The following SP4 variants were observed in gnomAD, a reference collection of about 807,000 sequenced individuals.
The protein encoded by SP4 is transcription factor Sp4.
SP4 carries 19 observed loss-of-function variants against 72.8 expected under a neutral mutation model. The observed-to-expected ratio is 0.26, with a 90% CI of 0.18 to 0.38. The LOEUF is 0.38. SP4 is among the 10% of genes least tolerant of loss of function. The pLI is 1.00. For missense variants in SP4, 1,008 were observed against 926.3 expected, an observed-to-expected ratio of 1.09 and a Z score of -1.14; for synonymous variants, 395 against 333.1, an observed-to-expected ratio of 1.19 and a Z score of -2.02.
chr7:21,480,565 G>T (rs1415731653), intron 4 of SP4, among the ~76,000 whole-genome samples: 4 of 152,114 alleles, frequency 2.6e-5, no homozygotes, highest in African/African-American at 4.8e-5. Context: ...CTATAAGGTT[G>T]GTAGTGATAT....
chr7:21,493,481 A>G (rs1234442107), intron 5 of SP4, among the ~76,000 whole-genome samples: 1 of 152,198 alleles, frequency 6.6e-6, no homozygotes, highest in African/African-American at 2.4e-5. Context: ...CCACCTTAGG[A>G]AACTACAAAA....
intron 3 of SP4, among the ~76,000 whole-genome samples, chr7:21,431,705 A>G (rs1409721030): frequency 6.6e-6 from 1 of 152,164 alleles, no homozygotes; most frequent in Non-Finnish European, 1.5e-5. Flanking sequence ...GTCTTATTGT[A>G]CCTAATAACT....
rs1782181366 is a variant in SP4 at position 21,512,749 on chromosome 7, G to A, written c.*1480G>A. On this transcript the variant is annotated 3_prime_UTR_variant, in exon 6 of 6. Coordinates refer to ENST00000222584, the MANE Select transcript of SP4 (RefSeq NM_003112.5). ...GGCTAATTTTTGTATTTTTAGTAGA[G>A]ACAGGGTTTCGCCATGTTGGCCAGG... 1.3e-5 allele frequency: 2 copies of A among 152,356 alleles called. No individual in the cohort carries two copies. Among genetic ancestry groups the A allele is most frequent in the Admixed American group, 1.3e-4 (2 of 15,234 alleles). 9.4% of individuals were successfully genotyped at this position (152,356 alleles called of 1,614,324 possible). A position where few individuals can be genotyped will look rare whatever the true frequency, so the allele number is the denominator to read the frequency against.
In SP4 at chr7:21,429,874, G is replaced by A. The variant is rs557971888; in HGVS notation, c.709G>A (p.Val237Ile). ...QTVPVQIRPG[V>I]SIPLQLQTLP... ...AGTTCCGGTCCAAATTAGACCTGGT[G>A]TTTCAATACCACTGCAGTTACAGAC... The change falls in exon 3 of 6, where the codon GTT (valine) becomes ATT (isoleucine). Residue 237 changes from valine (V) to isoleucine (I), a missense_variant. Transcript: ENST00000222584. 3.8e-5 allele frequency: 62 copies of A among 1,613,990 alleles called. No homozygotes were observed. The highest frequency in any genetic ancestry group is 4.8e-5 in the Non-Finnish European group (57 of 1,179,964).
intron 3 of SP4, among the ~76,000 whole-genome samples, chr7:21,468,488 TTTG>T (rs536102299): frequency 1.8e-3 from 269 of 152,162 alleles, no homozygotes; most frequent in Middle Eastern, 6.8e-3. Flanking sequence ...TTCTCAGATA[TTTG>T]TGGTTATTGT....
intron 3 of SP4, among the ~76,000 whole-genome samples, chr7:21,458,629 T>C (rs1783855717): frequency 6.6e-6 from 1 of 152,120 alleles, no homozygotes; most frequent in Non-Finnish European, 1.5e-5. Flanking sequence ...AAAATTAATA[T>C]AATAATTTTT....
intron 3 of SP4, among the ~76,000 whole-genome samples, chr7:21,453,042 A>G (rs1583397790): frequency 6.6e-6 from 1 of 152,076 alleles, no homozygotes; most frequent in South Asian, 2.1e-4. Flanking sequence ...CCTCCCAAAG[A>G]GCTGGGATTA....
Position 21,428,186 on chromosome 7 carries a change from T to TCCCCCCCCCCCCCCCCC in SP4, c.-65_-64insCCCCCCCCCCCCCCCCC. On this transcript the variant is annotated 5_prime_UTR_variant, in exon 1 of 6. Transcript: ENST00000222584. ...GGCGGGACCGGCCTCTCCTCCCGCC[T>TCCCCCCCCCCCCCCCCC]CGCCCCCACCCCCACCCACCTCTAT... is the stretch of plus-strand genomic sequence containing the variant. 6.7e-6 allele frequency: 2 copies of TCCCCCCCCCCCCCCCCC among 297,742 alleles called. No individual in the cohort carries two copies. Among genetic ancestry groups the TCCCCCCCCCCCCCCCCC allele is most frequent in the Non-Finnish European group, 1.3e-5 (2 of 152,406 alleles). 18.4% of individuals were successfully genotyped at this position (297,742 alleles called of 1,614,324 possible).
At chr7:21,442,269 A>T (rs560407375) in intron 3 of SP4, among the ~76,000 whole-genome samples, 41 of 151,916 alleles carry the variant, frequency 2.7e-4, no homozygotes, top group Non-Finnish European at 5.3e-4. Flanking sequence ...TGAACTCCTG[A>T]CCTCAGGTGA....
intron 3 of SP4, among the ~76,000 whole-genome samples, chr7:21,439,429 T>C (rs574019207): frequency 6.6e-6 from 1 of 152,258 alleles, no homozygotes; most frequent in South Asian, 2.1e-4. Context: ...GCTTTTAGTG[T>C]GTGCATCACT....
chr7:21,501,833 A>G (rs1344413761), intron 5 of SP4, among the ~76,000 whole-genome samples: 2 of 152,210 alleles, frequency 1.3e-5, no homozygotes, highest in Admixed American at 6.5e-5. Context: ...TATCATGTCT[A>G]GCGCAAGCCT....
At chr7:21,434,615 T>A (rs11971488) in intron 3 of SP4, among the ~76,000 whole-genome samples, 1,605 of 152,036 alleles carry the variant, frequency 0.011, 31 homozygotes, top group African/African-American at 0.036. Context: ...CTTTTACTTT[T>A]AAAAAAAATA....
At chr7:21,481,501 G>C (rs1327564642) in intron 4 of SP4, among the ~76,000 whole-genome samples, 8 of 151,916 alleles carry the variant, frequency 5.3e-5, no homozygotes, top group Admixed American at 5.2e-4. Context: ...GCTTTTTTTA[G>C]AATTTTCACT....
chr7:21,477,869 C>T (rs967015858), intron 4 of SP4, among the ~76,000 whole-genome samples: 5 of 152,022 alleles, frequency 3.3e-5, no homozygotes, highest in African/African-American at 4.8e-5. Flanking sequence ...AAAATATTTA[C>T]GTAACTTTAT....
chr7:21,436,186 A>G (rs1783045390), intron 3 of SP4, among the ~76,000 whole-genome samples: 1 of 152,192 alleles, frequency 6.6e-6, no homozygotes, highest in African/African-American at 2.4e-5. Flanking sequence ...GGCATGAGGC[A>G]CTGTGTCTGG....
At chr7:21,428,358 G>A (rs1405298689) in intron 1 of SP4, 100 bp downstream of exon 1, 10 of 722,080 alleles carry the variant, frequency 1.4e-5, no homozygotes, top group African/African-American at 8.7e-5. Flanking sequence ...GGGCCGCTGA[G>A]ATGCTTTAAG....
rs575276270 is a variant in SP4 at position 21,495,470 on chromosome 7, C to T, written c.2107+13347C>T. Among the ~76,000 whole-genome samples the T allele has an allele frequency of 3.7e-4, 56 of 151,116 alleles. 2 individuals carry two copies. The East Asian group carries it at 6.2e-3, about 17-fold the overall frequency. ...TTCACCAGAGAACATATGTATGTGA[C>T]GGAAAAGTGCATGAAAAGATGTCTG... is the stretch of plus-strand genomic sequence containing the variant. On this transcript the variant is annotated intron_variant, in intron 5 of 5. Coordinates refer to ENST00000222584, the MANE Select transcript of SP4 (RefSeq NM_003112.5).
intron 5 of SP4, among the ~76,000 whole-genome samples, chr7:21,488,696 C>T (rs1324295576): frequency 6.6e-6 from 1 of 151,546 alleles, no homozygotes; most frequent in South Asian, 2.1e-4. Context: ...GAGTTCGAGG[C>T]TATAGTGCCT....
chr7:21,469,540 A>ATT (rs59458328), intron 3 of SP4, among the ~76,000 whole-genome samples: 2 of 127,440 alleles, frequency 1.6e-5, no homozygotes, highest in Non-Finnish European at 3.4e-5. Context: ...TTTAGTTATA[A>ATT]TTTTTTTTTT....
Sources: allele counts gnomAD v4.1 joint callset (sites outside exome capture counted in the v4.1 genomes callset), GRCh38; gene constraint gnomAD v4.1.1; transcripts MANE v1.5; gene names NCBI Gene and HGNC (gene_info 2026-07-23, HGNC 2026-07-21).